PREX2: variants seen among roughly 807,000 people sequenced by gnomAD.
The protein encoded by PREX2 is phosphatidylinositol-3,4,5-trisphosphate dependent Rac exchange factor 2.
In PREX2, 107 loss-of-function variants were observed where a neutral mutation model predicts 203.2. The observed-to-expected ratio is 0.53, with a 90% CI of 0.45 to 0.62. PREX2 has a LOEUF of 0.62. Among genes scored for constraint, PREX2 ranks in the 20% least tolerant of loss-of-function variants. The pLI, the probability that PREX2 is intolerant of heterozygous loss-of-function variation, is 0.00. For synonymous variants in PREX2, 672 were observed against 663.6 expected (o/e 1.01, Z -0.19); for missense variants, 1,777 against 1,955.9 (o/e 0.91, Z 1.72).
intron 38 of PREX2, chr8:68,223,229 G>A (rs1812991518): frequency 6.6e-6 from 1 of 152,340 alleles, no homozygotes; most frequent in Non-Finnish European, 1.5e-5. Context: ...AGTATGTGAA[G>A]TCTCAGTTCT....
intron 38 of PREX2, among the ~76,000 whole-genome samples, chr8:68,224,055 G>T (rs908220996): frequency 6.6e-6 from 1 of 151,876 alleles, no homozygotes; most frequent in African/African-American, 2.4e-5. Flanking sequence ...GTCTCATTCT[G>T]TCTCCCAGGC....
At chr8:68,170,948 T>A (rs189038342) in intron 35 of PREX2, among the ~76,000 whole-genome samples, 1 of 152,310 alleles carries the variant, frequency 6.6e-6, no homozygotes, top group African/African-American at 2.4e-5. Flanking sequence ...ACAGATAAAA[T>A]GTAAATGTGA....
At chr8:68,156,580 A>G (rs1489112196) in intron 34 of PREX2, among the ~76,000 whole-genome samples, 3 of 152,206 alleles carry the variant, frequency 2.0e-5, no homozygotes, top group Non-Finnish European at 2.9e-5. Flanking sequence ...AGACAAGTTA[A>G]CAAGAGAAAA....
At position 68,126,020 on chromosome 8, in the gene PREX2, A is replaced by T. The variant is rs547300307; in HGVS notation, c.3725-1358A>T. On this transcript the variant is annotated intron_variant, in intron 30 of 39. Coordinates refer to ENST00000288368, the MANE Select transcript of PREX2 (RefSeq NM_024870.4). Reference sequence around the variant, plus strand: ...TTTTCTATTAGGTAAGACTAAACACATTGATCTGTTAGAAGCCATTTTTCA... The same window carrying T: ...TTTTCTATTAGGTAAGACTAAACACTTTGATCTGTTAGAAGCCATTTTTCA... 8.9e-4 allele frequency among the ~76,000 whole-genome samples: 136 copies of T among 152,238 alleles called. No homozygotes were observed. The Middle Eastern group carries it at 0.01, about 11-fold the overall frequency.
intron 1 of PREX2, among the ~76,000 whole-genome samples, chr8:67,954,863 T>G (rs1805449591): frequency 6.6e-6 from 1 of 152,084 alleles, no homozygotes; most frequent in South Asian, 2.1e-4. Context: ...AAAATGGTAT[T>G]ACTAGCTTTA....
In PREX2 at chr8:68,053,201, C is replaced by A; in HGVS notation, c.1048C>A (p.His350Asn). ...VCMAKTPEEK[H>N]EWFEAILKER... ...TATGGCAAAAACACCTGAAGAGAAG[C>A]ATGAATGGTTTGAAGCTATTTTGAA... Residue 350 changes from histidine to asparagine, a missense_variant, in exon 9 of 40, where the codon CAT becomes AAT. Transcript: ENST00000288368. 1 of 1,613,572 alleles carries A rather than the reference C, an allele frequency of 6.2e-7. No individual in the cohort carries two copies. Among genetic ancestry groups the A allele is most frequent in the East Asian group, 2.2e-5 (1 of 44,836 alleles).
chr8:67,962,324 C>A (rs1048385666), intron 1 of PREX2, among the ~76,000 whole-genome samples: 3 of 151,912 alleles, frequency 2.0e-5, no homozygotes, highest in African/African-American at 7.2e-5. Context: ...ACTGTTGCCC[C>A]AAAGAAAGAA....
In PREX2 at chr8:68,087,820, C is replaced by A; in HGVS notation, c.2113+11C>A. The A allele has an allele frequency of 6.3e-7, 1 of 1,596,638 alleles. No individual in the cohort carries two copies. Among genetic ancestry groups the A allele is most frequent in the South Asian group, 1.1e-5 (1 of 90,728 alleles). On this transcript the variant is annotated intron_variant, in intron 19 of 39. Transcript: ENST00000288368. ...ATGCTGTAGGAAGAGGTAGGAAATT[C>A]GTCTTGCAGGGAAACAGCTTTCCAG...
At chr8:68,164,251 G>A (rs1249574553) in intron 35 of PREX2, among the ~76,000 whole-genome samples, 1 of 151,730 alleles carries the variant, frequency 6.6e-6, no homozygotes, top group Non-Finnish European at 1.5e-5. Context: ...GTAAGCAGAG[G>A]GAACCAGCAG....
intron 37 of PREX2, among the ~76,000 whole-genome samples, chr8:68,201,533 T>C (rs1376251046): frequency 6.6e-6 from 1 of 152,152 alleles, no homozygotes; most frequent in Non-Finnish European, 1.5e-5. Flanking sequence ...AAAGATGTAG[T>C]CTGGGAGGCT....
At chr8:68,198,157 A>C (rs1179642012) in intron 37 of PREX2, among the ~76,000 whole-genome samples, 1 of 152,176 alleles carries the variant, frequency 6.6e-6, no homozygotes, top group African/African-American at 2.4e-5. Flanking sequence ...AGGCACTTTC[A>C]CCCTTGCCAT....
chr8:68,077,537 AC>A, intron 15 of PREX2, 68 bp downstream of exon 15: 1 of 1,137,444 alleles, frequency 8.8e-7, no homozygotes. Context: ...ATACTGCAAC[AC>A]CCAGTGCTGC....
At chr8:68,209,958 C>G (rs1812713127) in intron 37 of PREX2, among the ~76,000 whole-genome samples, 1 of 152,100 alleles carries the variant, frequency 6.6e-6, no homozygotes, top group African/African-American at 2.4e-5. Flanking sequence ...TAAAACTGCA[C>G]TAACACAAAA....
chr8:68,097,946 G>A (rs955835949), intron 22 of PREX2, among the ~76,000 whole-genome samples: 17 of 152,078 alleles, frequency 1.1e-4, no homozygotes, highest in African/African-American at 3.1e-4. Flanking sequence ...ATAAAATTTC[G>A]GGAACTGTAG....
chr8:68,051,364 G>C (rs982705120), intron 8 of PREX2, among the ~76,000 whole-genome samples: 3 of 152,024 alleles, frequency 2.0e-5, no homozygotes, highest in Non-Finnish European at 4.4e-5. Flanking sequence ...TGGCCATGTG[G>C]GATCTTTTAA....
chr8:68,076,769 G>A (rs1809363745), intron 14 of PREX2, among the ~76,000 whole-genome samples: 1 of 150,022 alleles, frequency 6.7e-6, no homozygotes, highest in African/African-American at 2.5e-5. Flanking sequence ...GCATAAAATA[G>A]GTGTTTTCTA....
intron 18 of PREX2, among the ~76,000 whole-genome samples, chr8:68,085,949 G>A (rs1019823192): frequency 7.2e-5 from 11 of 152,098 alleles, no homozygotes; most frequent in South Asian, 2.1e-4. Flanking sequence ...ACTCTCATTC[G>A]TAATATATAG....
intron 1 of PREX2, among the ~76,000 whole-genome samples, chr8:67,955,363 T>C (rs1243999796): frequency 6.6e-6 from 1 of 152,116 alleles, no homozygotes; most frequent in Admixed American, 6.6e-5. Flanking sequence ...TCTCTGTAGT[T>C]GCCCCCAGGC....
rs569553850 is a variant in PREX2 at position 68,116,596 on chromosome 8, C to T, written c.3326+664C>T. ...ATCCGTGCCAGGCGTGGCTCCTTGACGCGTAAACGGCCATCTTCTCCCTGT... is the reference window on the plus strand; with the variant it reads ...ATCCGTGCCAGGCGTGGCTCCTTGATGCGTAAACGGCCATCTTCTCCCTGT... On this transcript the variant is annotated intron_variant, in intron 26 of 39. Transcript: ENST00000288368. Among the ~76,000 whole-genome samples, 45 of 152,182 alleles carry T rather than the reference C, an allele frequency of 3.0e-4. 1 individual carries two copies. Among genetic ancestry groups the T allele is most frequent in the Non-Finnish European group, 5.6e-4 (38 of 68,042 alleles).
Sources: gnomAD v4.1 joint callset for allele counts (sites outside exome capture counted in the v4.1 genomes callset) on GRCh38, gnomAD v4.1.1 for gene constraint, MANE v1.5 for transcripts, NCBI Gene and HGNC (gene_info 2026-07-23, HGNC 2026-07-21) for gene names.